TRNT1: variants seen among roughly 807,000 people sequenced by gnomAD.
The protein encoded by TRNT1 is CCA tRNA nucleotidyltransferase 1, mitochondrial.
A neutral mutation model predicts 45.6 loss-of-function variants in TRNT1; 44 were observed. That is an observed-to-expected ratio of 0.97 (90% CI 0.76 to 1.24). The LOEUF (loss-of-function observed/expected upper bound fraction) is 1.24. Among genes scored for constraint, TRNT1 ranks in the 50% most tolerant of loss-of-function variants. The pLI, the probability that TRNT1 is intolerant of heterozygous loss-of-function variation, is 0.00. For synonymous variants in TRNT1, 201 were observed against 171.4 expected, an observed-to-expected ratio of 1.17 and a Z score of -1.35; for missense variants, 633 against 504.4, an observed-to-expected ratio of 1.25 and a Z score of -2.44.
In TRNT1 at chr3:3,146,638, T is replaced by C. The variant is rs1425596582; in HGVS notation, c.802+15T>C. 7 of 1,532,054 alleles carry C rather than the reference T, an allele frequency of 4.6e-6. No individual in the cohort carries two copies. In the Admixed American group the frequency reaches 6.4e-5, roughly 14 times the overall value. The allele number at this position is 1,532,054 out of a possible 1,614,324, so 94.9% of individuals were successfully genotyped here. A position where few individuals can be genotyped will look rare whatever the true frequency, so the allele number is the denominator to read the frequency against. On this transcript the variant is annotated intron_variant, in intron 6 of 7. Transcript: ENST00000251607. ...TCCTTATATAGGTGAGAGCAAGTTA[T>C]AAAGTGTTTGAATTTTTGGCAGTGA...
In TRNT1 at chr3:3,146,571, T is replaced by C. The variant is rs996651581; in HGVS notation, c.750T>C (p.His250=). The change falls in exon 6 of 8, where the codon CAT becomes CAC. Residue 250 remains histidine (H), a synonymous_variant. Coordinates refer to ENST00000251607, the MANE Select transcript of TRNT1 (RefSeq NM_182916.3). The part of the protein sequence containing the change: ...VELKKILVGN[H]VNHLIHLIYD... ...TGAAAAAAATTCTTGTTGGTAACCA[T>C]GTAAATCATTTGATTCACCTTATCT... 1.7e-5 allele frequency: 28 copies of C among 1,613,834 alleles called. No homozygotes were observed. Among genetic ancestry groups the C allele is most frequent in the Admixed American group, 8.3e-5 (5 of 59,994 alleles).
Position 3,132,614 on chromosome 3 carries a change from A to G in TRNT1, c.148+3426A>G, listed in dbSNP as rs1194025443. ...ACGTTAGTGGGTGCAGCGCACCAGC[A>G]TGGCACATGTATACATATGTAACTA... On this transcript the variant is annotated intron_variant, in intron 2 of 7. Transcript: ENST00000251607. Among the ~76,000 whole-genome samples, 5 of 114,762 alleles carry G rather than the reference A, an allele frequency of 4.4e-5. No individual in the cohort carries two copies. The East Asian group carries it at 1.1e-3, about 25-fold the overall frequency. The allele number at this position is 114,762 out of a possible 152,430, so 75.3% of individuals were successfully genotyped here.
At chr3:3,143,532 CTG>C (rs1308217493) in intron 4 of TRNT1, among the ~76,000 whole-genome samples, 1 of 152,190 alleles carries the variant, frequency 6.6e-6, no homozygotes, top group African/African-American at 2.4e-5. Flanking sequence ...CTTGCTAACA[CTG>C]TTATCAAGTG....
chr3:3,147,699 TAGATGTA>T lies in TRNT1; in HGVS notation c.1055_1056+5del, dbSNP rs770760147. Reference sequence around the variant, plus strand: ...TTGAAACCCTATCAAGACTTCATTATAGATGTAAGTATATACTAGGCTTGGTCAGAAA... The same window carrying T: ...TTGAAACCCTATCAAGACTTCATTATAGTATATACTAGGCTTGGTCAGAAA... On this transcript the variant is annotated splice_donor_variant and splice_donor_region_variant and coding_sequence_variant and intron_variant, in exon 7 of 8. Coordinates refer to ENST00000251607, the MANE Select transcript of TRNT1 (RefSeq NM_182916.3). LOFTEE classifies it high-confidence loss of function. The T allele has an allele frequency of 3.1e-6, 5 of 1,609,314 alleles. No individual in the cohort carries two copies. The highest frequency in any genetic ancestry group is 4.2e-6 in the Non-Finnish European group (5 of 1,177,590).
chr3:3,144,134 G>T (rs1224587039), intron 4 of TRNT1, among the ~76,000 whole-genome samples: 1 of 152,056 alleles, frequency 6.6e-6, no homozygotes, highest in Non-Finnish European at 1.5e-5. Flanking sequence ...TGTTGTTTTT[G>T]TGTTGCGTTT....
chr3:3,137,040 T>C (rs1487526889), intron 2 of TRNT1, among the ~76,000 whole-genome samples: 1 of 152,176 alleles, frequency 6.6e-6, no homozygotes, highest in Admixed American at 6.5e-5. Context: ...AGCAAAGAAT[T>C]CTGCAAGTTC....
chr3:3,148,089 C>G lies in TRNT1; in HGVS notation c.1240C>G (p.Gln414Glu), dbSNP rs764603508. 1.2e-6 allele frequency: 2 copies of G among 1,613,728 alleles called. No individual in the cohort carries two copies. Among genetic ancestry groups the G allele is most frequent in the Non-Finnish European group, 1.7e-6 (2 of 1,179,764 alleles). Residue 414 changes from glutamine (Q) to glutamate (E), a missense_variant, in exon 8 of 8, where the codon CAG (glutamine) becomes GAG (glutamate). By Grantham distance (29) the Gln-to-Glu change is conservative. Coordinates refer to ENST00000251607, the MANE Select transcript of TRNT1 (RefSeq NM_182916.3). ...IGALLQQLREQWKKSGYQMEK... is the reference protein window; with the variant it reads ...IGALLQQLREEWKKSGYQMEK... ...GGCTCTATTACAACAGTTGCGAGAA[C>G]AGTGGAAAAAAAGTGGTTACCAAAT... is the stretch of plus-strand genomic sequence containing the variant.
At chr3:3,129,869 A>G in intron 2 of TRNT1, 1 of 1,550,542 alleles carries the variant, frequency 6.4e-7, no homozygotes, top group Non-Finnish European at 8.7e-7. Flanking sequence ...ACTTACGCAG[A>G]TTGATTTCAG....
rs141669065 is a variant in TRNT1, at chr3:3,147,789, G to T, written c.1056+86G>T. 1,842 of 1,520,154 alleles carry T rather than the reference G, an allele frequency of 1.2e-3. 22 individuals carry two copies. In the African/African-American group the frequency reaches 0.024, roughly 20 times the overall value. The allele number at this position is 1,520,154 out of a possible 1,614,324, so 94.2% of individuals were successfully genotyped here. ...TATTAAAACTAAGATCTACAAATCT[G>T]TGAATTTTACTTATTTTAAATGAAA... On this transcript the variant is annotated intron_variant, in intron 7 of 7. Transcript: ENST00000251607.
intron 3 of TRNT1, among the ~76,000 whole-genome samples, chr3:3,138,159 G>T (rs544696861): frequency 7.7e-4 from 117 of 152,208 alleles, no homozygotes; most frequent in African/African-American, 2.7e-3. Context: ...CCTGTTTCCT[G>T]GGTCCCATGT....
intron 1 of TRNT1, chr3:3,127,737 G>C (rs1356389074): frequency 6.6e-6 from 1 of 152,278 alleles, no homozygotes. Context: ...CCAGAAACTC[G>C]GTTAGAGTTT....
Position 3,146,518 on chromosome 3 carries a change from A to G in TRNT1, c.697A>G (p.Ile233Val), listed in dbSNP as rs377218988. 2.7e-5 allele frequency: 43 copies of G among 1,614,018 alleles called. No homozygotes were observed. The highest frequency in any genetic ancestry group is 1.5e-4 in the African/African-American group (11 of 74,944). The part of the protein sequence containing the change: ...IAENAKGLAG[I>V]SGERIWVELK... Reference sequence around the variant, plus strand: ...AGAAAATGCAAAAGGCTTGGCTGGAATATCAGGAGAAAGGATTTGGGTGGA... The same window carrying G: ...AGAAAATGCAAAAGGCTTGGCTGGAGTATCAGGAGAAAGGATTTGGGTGGA... The change falls in exon 6 of 8, where the codon ATA becomes GTA. Residue 233 changes from isoleucine to valine, a missense_variant. By Grantham distance (29) the Ile-to-Val change is conservative. Transcript: ENST00000251607.
chr3:3,130,213 T>C (rs6788122), intron 2 of TRNT1: 74,559 of 465,200 alleles, frequency 0.16, 6,490 homozygotes, highest in Admixed American at 0.21. Context: ...ATCTATTAGA[T>C]TCACCTGGGG....
Position 3,148,082 on chromosome 3 carries a change from G to A in TRNT1, c.1233G>A (p.Leu411=), listed in dbSNP as rs774361258. ...AAATTGGGGCTCTATTACAACAGTT[G>A]CGAGAACAGTGGAAAAAAAGTGGTT... is the stretch of plus-strand genomic sequence containing the variant. ...GKEIGALLQQ[L]REQWKKSGYQ... Residue 411 remains leucine, a synonymous_variant, in exon 8 of 8, where the codon TTG becomes TTA. Coordinates refer to ENST00000251607, the MANE Select transcript of TRNT1 (RefSeq NM_182916.3). 1 of 1,613,910 alleles carries A rather than the reference G, an allele frequency of 6.2e-7. No homozygotes were observed. Among genetic ancestry groups the A allele is most frequent in the Non-Finnish European group, 8.5e-7 (1 of 1,179,828 alleles).
At chr3:3,139,568 A>G (rs919199464) in intron 3 of TRNT1, among the ~76,000 whole-genome samples, 3 of 152,082 alleles carry the variant, frequency 2.0e-5, no homozygotes, top group African/African-American at 7.2e-5. Context: ...GCCTTTGGTC[A>G]TCTCTTCTCT....
intron 3 of TRNT1, among the ~76,000 whole-genome samples, chr3:3,138,751 T>C (rs1705472280): frequency 1.3e-5 from 2 of 152,242 alleles, no homozygotes; most frequent in African/African-American, 4.8e-5. Flanking sequence ...TTAGTATATT[T>C]CTTTGGAAAG....
chr3:3,140,732 C>G, intron 4 of TRNT1, 84 bp downstream of exon 4: 1 of 1,494,468 alleles, frequency 6.7e-7, no homozygotes, highest in South Asian at 1.2e-5. Flanking sequence ...AAATGTTCTT[C>G]AACTTGAGAA....
chr3:3,150,518 A>ATT (rs11320492), downstream of TRNT1: 30 of 186,080 alleles, frequency 1.6e-4, 1 homozygote, highest in South Asian at 3.8e-4. Context: ...GGAATTTAAG[A>ATT]TTTTTTTTTT....
At chr3:3,134,718 T>G (rs1398346456) in intron 2 of TRNT1, among the ~76,000 whole-genome samples, 1 of 152,206 alleles carries the variant, frequency 6.6e-6, no homozygotes, top group Non-Finnish European at 1.5e-5. Context: ...AGTCATTCTT[T>G]TTTTTAATAG....
Sources: gnomAD v4.1 joint callset for allele counts (sites outside exome capture counted in the v4.1 genomes callset) on GRCh38, gnomAD v4.1.1 for gene constraint, MANE v1.5 for transcripts, NCBI Gene and HGNC (gene_info 2026-07-23, HGNC 2026-07-21) for gene names.